PRKG1: variants seen among roughly 807,000 people sequenced by gnomAD.
PRKG1 encodes protein kinase cGMP-dependent 1.
PRKG1 carries 35 observed loss-of-function variants against 88.1 expected under a neutral mutation model. That is an observed-to-expected ratio of 0.40 (90% CI 0.30 to 0.53). The LOEUF (loss-of-function observed/expected upper bound fraction) is 0.53, where lower values mean the gene tolerates loss of function less well. Among genes scored for constraint, PRKG1 ranks in the 20% least tolerant of loss-of-function variants. The pLI, the probability that PRKG1 is intolerant of heterozygous loss-of-function variation, is 0.59. For missense variants in PRKG1, 540 were observed against 839.8 expected (o/e 0.64, Z 4.41); for synonymous variants, 303 against 292.5 (o/e 1.04, Z -0.37).
intron 3 of PRKG1, among the ~76,000 whole-genome samples, chr10:51,595,841 G>GTTTTT (rs1434351841): frequency 1.5e-4 from 22 of 151,568 alleles, no homozygotes; most frequent in Admixed American, 1.2e-3. Context: ...GTTTTGTTTT[G>GTTTTT]TTTTGTTTTT....
intron 5 of PRKG1, among the ~76,000 whole-genome samples, chr10:51,920,623 G>T (rs976246836): frequency 1.5e-4 from 23 of 151,848 alleles, no homozygotes; most frequent in African/African-American, 5.3e-4. Context: ...ATAATGCCTG[G>T]GTTTGAATAT....
At chr10:51,623,374 T>A (rs573681214) in intron 3 of PRKG1, among the ~76,000 whole-genome samples, 1 of 152,288 alleles carries the variant, frequency 6.6e-6, no homozygotes, top group Non-Finnish European at 1.5e-5. Flanking sequence ...CTAATTTTTT[T>A]AACTATTTGT....
At chr10:51,834,086 A>G (rs1840068250) in intron 4 of PRKG1, among the ~76,000 whole-genome samples, 1 of 152,126 alleles carries the variant, frequency 6.6e-6, no homozygotes, top group Non-Finnish European at 1.5e-5. Flanking sequence ...AGGGCTAAAT[A>G]GTATTCCATT....
chr10:51,382,221 G>T (rs1837124939), intron 2 of PRKG1, among the ~76,000 whole-genome samples: 2 of 152,060 alleles, frequency 1.3e-5, no homozygotes, highest in Admixed American at 6.6e-5. Flanking sequence ...GGGAAAAGAT[G>T]AATTTGTTTA....
intron 3 of PRKG1, among the ~76,000 whole-genome samples, chr10:51,676,719 C>G (rs1033075247): frequency 3.3e-5 from 5 of 152,092 alleles, no homozygotes; most frequent in African/African-American, 1.2e-4. Context: ...TTTCCATGGT[C>G]ACAAATAAGC....
At chr10:51,807,603 C>T (rs536833976) in intron 4 of PRKG1, among the ~76,000 whole-genome samples, 91 of 152,122 alleles carry the variant, frequency 6.0e-4, no homozygotes, top group Non-Finnish European at 1.2e-3. Context: ...AGAGAGTGCT[C>T]TAATGATAGT....
chr10:51,231,139 C>A (rs560808947), intron 2 of PRKG1, among the ~76,000 whole-genome samples: 2 of 152,260 alleles, frequency 1.3e-5, no homozygotes, highest in South Asian at 4.1e-4. Flanking sequence ...TAGGCTGAGT[C>A]TCCAAAGCCT....
intron 5 of PRKG1, among the ~76,000 whole-genome samples, chr10:51,916,012 A>C (rs968983843): frequency 6.6e-6 from 1 of 152,160 alleles, no homozygotes; most frequent in African/African-American, 2.4e-5. Flanking sequence ...GTGAGATTGG[A>C]AAATGGTGTG....
intron 9 of PRKG1, among the ~76,000 whole-genome samples, chr10:52,230,147 C>T (rs2132349894): frequency 6.6e-6 from 1 of 152,194 alleles, no homozygotes; most frequent in Admixed American, 6.5e-5. Context: ...GGGTCAAACC[C>T]CAACATTATG....
At chr10:51,421,998 A>G (rs763169186) in intron 2 of PRKG1, among the ~76,000 whole-genome samples, 25 of 152,186 alleles carry the variant, frequency 1.6e-4, no homozygotes, top group Admixed American at 3.3e-4. Flanking sequence ...ATCAGCCACC[A>G]TTACTCATTC....
At chr10:51,543,167 C>G (rs1235412086) in intron 3 of PRKG1, among the ~76,000 whole-genome samples, 4 of 152,030 alleles carry the variant, frequency 2.6e-5, no homozygotes, top group Non-Finnish European at 5.9e-5. Context: ...CTAACATTAC[C>G]AATAATGTAA....
chr10:51,370,375 G>A (rs969292373), intron 2 of PRKG1, among the ~76,000 whole-genome samples: 6 of 151,978 alleles, frequency 3.9e-5, no homozygotes. Context: ...GTTTTTCCTA[G>A]CGGGATGAGA....
At chr10:51,211,771 AC>A (rs1838227441) in intron 2 of PRKG1, among the ~76,000 whole-genome samples, 1 of 152,298 alleles carries the variant, frequency 6.6e-6, no homozygotes, top group East Asian at 1.9e-4. Context: ...GATGTGAAGG[AC>A]CTCTTCAAGG....
At chr10:51,711,374 G>T (rs1426433604) in intron 3 of PRKG1, among the ~76,000 whole-genome samples, 1 of 152,098 alleles carries the variant, frequency 6.6e-6, no homozygotes, top group Non-Finnish European at 1.5e-5. Context: ...AAAGTGCTAG[G>T]ATTACAGGCG....
chr10:51,749,454 G>A (rs1837663165), intron 3 of PRKG1, among the ~76,000 whole-genome samples: 1 of 152,054 alleles, frequency 6.6e-6, no homozygotes, highest in South Asian at 2.1e-4. Context: ...GACTGGAAAG[G>A]AAAGAGATCA....
At chr10:51,211,551 G>A (rs570874957) in intron 2 of PRKG1, among the ~76,000 whole-genome samples, 3 of 152,294 alleles carry the variant, frequency 2.0e-5, no homozygotes, top group African/African-American at 7.2e-5. Context: ...TGACATGATT[G>A]TATATCTAGA....
At chr10:51,887,541 T>G (rs1841603619) in intron 4 of PRKG1, among the ~76,000 whole-genome samples, 1 of 152,214 alleles carries the variant, frequency 6.6e-6, no homozygotes, top group South Asian at 2.1e-4. Context: ...CAACAGTGTA[T>G]AAGAGTTCTA....
Position 51,416,299 on chromosome 10 carries a change from T to C in PRKG1, c.479-51424T>C, listed in dbSNP as rs113790694. Among the ~76,000 whole-genome samples, 537 of 152,310 alleles carry C rather than the reference T, an allele frequency of 3.5e-3. 3 individuals are homozygous for C. Among genetic ancestry groups the C allele is most frequent in the African/African-American group, 0.012 (515 of 41,580 alleles). ...TGAAAACTCATGATCATTTACAGTA[T>C]TCCCCTTTTTCCTTTGGTCATAGCA... On this transcript the variant is annotated intron_variant, in intron 2 of 17. Coordinates refer to ENST00000373980, the MANE Select transcript of PRKG1 (RefSeq NM_006258.4).
chr10:51,587,578 GT>G (rs1386731783), intron 3 of PRKG1, among the ~76,000 whole-genome samples: 2 of 152,172 alleles, frequency 1.3e-5, no homozygotes, highest in African/African-American at 4.8e-5. Context: ...CACAATATTT[GT>G]ATAGTGTTAC....
Sources: allele counts gnomAD v4.1 joint callset (sites outside exome capture counted in the v4.1 genomes callset), GRCh38; gene constraint gnomAD v4.1.1; transcripts MANE v1.5; gene names NCBI Gene and HGNC (gene_info 2026-07-23, HGNC 2026-07-21).